Variants in MYRIP observed in about 807,000 individuals in gnomAD.
MYRIP encodes the protein rab effector MyRIP.
In MYRIP, 49 loss-of-function variants were observed where a neutral mutation model predicts 98.0. The ratio of observed to expected loss-of-function variants is 0.50; its 90% CI spans 0.40 to 0.63. MYRIP has a LOEUF of 0.63. Among genes scored for constraint, MYRIP ranks in the 30% least tolerant of loss-of-function variants. The pLI, the probability that MYRIP is intolerant of heterozygous loss-of-function variation, is 0.00. For synonymous variants in MYRIP, 404 were observed against 409.5 expected, an observed-to-expected ratio of 0.99 and a Z score of 0.16; for missense variants, 1,004 against 1,058.2, an observed-to-expected ratio of 0.95 and a Z score of 0.71.
chr3:39,996,229 C>A (rs1946350389), intron 2 of MYRIP, among the ~76,000 whole-genome samples: 1 of 152,160 alleles, frequency 6.6e-6, no homozygotes, highest in Non-Finnish European at 1.5e-5. Flanking sequence ...TTAAAAGACA[C>A]AGACTGGCAA....
intron 2 of MYRIP, among the ~76,000 whole-genome samples, chr3:39,980,488 AAG>A (rs1400816399): frequency 6.6e-6 from 1 of 152,226 alleles, no homozygotes; most frequent in Non-Finnish European, 1.5e-5. Flanking sequence ...TACAGATGCT[AAG>A]AGAACATATA....
intron 3 of MYRIP, chr3:40,099,979 C>T (rs2125890866): frequency 1.0e-6 from 1 of 984,670 alleles, no homozygotes; most frequent in Non-Finnish European, 1.2e-6. Flanking sequence ...GATTTCACAG[C>T]TCTCCGTCAC....
At chr3:40,044,781 A>G (rs1440899943) in intron 3 of MYRIP, among the ~76,000 whole-genome samples, 1 of 152,200 alleles carries the variant, frequency 6.6e-6, no homozygotes, top group Non-Finnish European at 1.5e-5. Context: ...GACTGGCCCT[A>G]GGGCTTGGAG....
chr3:39,882,119 T>C (rs1300552523), intron 1 of MYRIP, among the ~76,000 whole-genome samples: 2 of 152,212 alleles, frequency 1.3e-5, no homozygotes, highest in African/African-American at 4.8e-5. Flanking sequence ...CTCCCTTTTT[T>C]CTTGTTAGCT....
chr3:39,847,273 G>A (rs1273675558), intron 1 of MYRIP, among the ~76,000 whole-genome samples: 1 of 152,142 alleles, frequency 6.6e-6, no homozygotes, highest in Non-Finnish European at 1.5e-5. Flanking sequence ...GCAAAGTCTT[G>A]GATGATGTTC....
intron 3 of MYRIP, among the ~76,000 whole-genome samples, chr3:40,144,602 G>T (rs537778867): frequency 6.6e-6 from 1 of 152,342 alleles, no homozygotes; most frequent in East Asian, 1.9e-4. Flanking sequence ...GGAGCCTGGA[G>T]AACATTTCTC....
intron 2 of MYRIP, among the ~76,000 whole-genome samples, chr3:39,922,942 G>A (rs538998001): frequency 2.0e-5 from 3 of 150,640 alleles, no homozygotes; most frequent in Admixed American, 1.3e-4. Flanking sequence ...ATATTTCAAT[G>A]AGCAATTTCA....
At chr3:40,207,654 G>A (rs886223464) in intron 10 of MYRIP, among the ~76,000 whole-genome samples, 3 of 152,110 alleles carry the variant, frequency 2.0e-5, no homozygotes, top group African/African-American at 7.2e-5. Flanking sequence ...TTTTAAAAAA[G>A]CAAGATATCC....
chr3:39,929,137 T>G (rs1480158039), intron 2 of MYRIP, among the ~76,000 whole-genome samples: 4 of 152,002 alleles, frequency 2.6e-5, no homozygotes. Context: ...TTGTATCAAA[T>G]TAAAATATGA....
chr3:39,876,381 A>G (rs370740030), intron 1 of MYRIP, among the ~76,000 whole-genome samples: 1 of 152,218 alleles, frequency 6.6e-6, no homozygotes, highest in Admixed American at 6.5e-5. Flanking sequence ...TGATCCTGTC[A>G]TTATGATGTT....
chr3:40,208,144 A>G (rs1489883814), intron 10 of MYRIP, among the ~76,000 whole-genome samples: 2 of 152,196 alleles, frequency 1.3e-5, no homozygotes, highest in Admixed American at 1.3e-4. Flanking sequence ...GAAATAGCAA[A>G]ATGTTTCAAA....
chr3:39,983,401 A>G (rs1575436183), intron 2 of MYRIP, among the ~76,000 whole-genome samples: 2 of 152,196 alleles, frequency 1.3e-5, no homozygotes, highest in South Asian at 2.1e-4. Flanking sequence ...TAACCCTAAA[A>G]CTTGAATAAT....
chr3:39,815,742 G>T (rs1486761591), intron 1 of MYRIP, among the ~76,000 whole-genome samples: 1 of 152,152 alleles, frequency 6.6e-6, no homozygotes, highest in Non-Finnish European at 1.5e-5. Flanking sequence ...TAATGTAGAG[G>T]AATAGTGGTG....
intron 2 of MYRIP, among the ~76,000 whole-genome samples, chr3:40,043,829 A>G (rs1162105668): frequency 6.6e-6 from 1 of 152,230 alleles, no homozygotes; most frequent in Non-Finnish European, 1.5e-5. Context: ...TTCTCATAGA[A>G]AATCTGACAT....
Position 39,958,738 on chromosome 3 carries a change from A to T in MYRIP, c.110+57812A>T, listed in dbSNP as rs555514450. 4.1e-4 allele frequency among the ~76,000 whole-genome samples: 63 copies of T among 152,332 alleles called. 1 individual carries two copies. The highest frequency in any genetic ancestry group is 1.3e-3 in the African/African-American group (55 of 41,574). ...AAAAGAAACTGCCATCAGAGTGAAC[A>T]GGCAACCTACAGAATGGGAGAAAAT... On this transcript the variant is annotated intron_variant, in intron 2 of 16. Coordinates refer to ENST00000302541, the MANE Select transcript of MYRIP (RefSeq NM_015460.4).
chr3:40,091,824 A>G (rs1182330325), intron 3 of MYRIP, among the ~76,000 whole-genome samples: 1 of 152,152 alleles, frequency 6.6e-6, no homozygotes, highest in African/African-American at 2.4e-5. Context: ...GAGAATTCAA[A>G]CAAGATAAAT....
intron 1 of MYRIP, among the ~76,000 whole-genome samples, chr3:39,873,751 A>G (rs1362148664): frequency 6.6e-6 from 1 of 151,526 alleles, no homozygotes; most frequent in African/African-American, 2.4e-5. Context: ...GCCTTGTAGT[A>G]TAGTTTGAAG....
At position 39,870,396 on chromosome 3, in the gene MYRIP, G is replaced by A. The variant is rs530255921; in HGVS notation, c.-30-30391G>A. ...GTTCCATTCTTCCAAACTGACAGGTGTCATGGGAGAGAATTCTCAAATGAT... is the reference window on the plus strand; with the variant it reads ...GTTCCATTCTTCCAAACTGACAGGTATCATGGGAGAGAATTCTCAAATGAT... On this transcript the variant is annotated intron_variant, in intron 1 of 16. Transcript: ENST00000302541. Among the ~76,000 whole-genome samples, 47 of 152,186 alleles carry A rather than the reference G, an allele frequency of 3.1e-4. No individual in the cohort carries two copies. The South Asian group carries it at 9.1e-3, about 30-fold the overall frequency.
chr3:40,115,794 C>CT (rs375597220), intron 3 of MYRIP, among the ~76,000 whole-genome samples: 2,949 of 141,458 alleles, frequency 0.021, 39 homozygotes, highest in South Asian at 0.05. Context: ...GTTCACAGTT[C>CT]TTTTTTTTTT....
Sources: allele counts gnomAD v4.1 joint callset (sites outside exome capture counted in the v4.1 genomes callset), GRCh38; gene constraint gnomAD v4.1.1; transcripts MANE v1.5; gene names NCBI Gene and HGNC (gene_info 2026-07-23, HGNC 2026-07-21).